The following SUMF1 variants were observed in gnomAD, a reference collection of about 807,000 sequenced individuals.
SUMF1 encodes sulfatase modifying factor 1.
Under a neutral mutation model 47.6 loss-of-function variants are expected in SUMF1, and 48 were observed. That is an observed-to-expected ratio of 1.01 (90% CI 0.80 to 1.28). SUMF1 has a LOEUF of 1.28. SUMF1 is among the 50% of genes most tolerant of loss of function. SUMF1 has a pLI of 0.00. For synonymous variants in SUMF1, 230 were observed against 192.1 expected (o/e 1.20, Z -1.63); for missense variants, 571 against 485.4 (o/e 1.18, Z -1.66).
chr3:4,218,936 C>T (rs913499067), intron 8 of SUMF1, among the ~76,000 whole-genome samples: 3 of 152,122 alleles, frequency 2.0e-5, no homozygotes, highest in African/African-American at 7.2e-5. Context: ...AATTCGTGCT[C>T]ACAGAGGAAG....
At chr3:4,127,425 T>A (rs1693680024) in intron 8 of SUMF1, among the ~76,000 whole-genome samples, 1 of 152,126 alleles carries the variant, frequency 6.6e-6, no homozygotes, top group Non-Finnish European at 1.5e-5. Flanking sequence ...GACCCACCCT[T>A]AATTTGGGCA....
intron 8 of SUMF1, among the ~76,000 whole-genome samples, chr3:4,332,059 C>T (rs965242837): frequency 6.6e-6 from 1 of 152,122 alleles, no homozygotes; most frequent in Non-Finnish European, 1.5e-5. Flanking sequence ...ATGTGAACTA[C>T]AAGGCATTTG....
In SUMF1 at chr3:4,068,114, C is replaced by G. The variant is rs186733172; in HGVS notation, c.1191+455G>C. 4.7e-4 allele frequency among the ~76,000 whole-genome samples: 72 copies of G among 152,270 alleles called. 3 individuals are homozygous for G. In the East Asian group the frequency reaches 0.01, roughly 21 times the overall value. On this transcript the variant is annotated intron_variant and NMD_transcript_variant, in intron 9 of 12. Coordinates refer to the SUMF1 transcript ENST00000448413. ...GCTTCCTGCCAGGCAGAATTAGGTT[C>G]ATCTGAGATGCAAACCAATTACCAG...
chr3:4,059,055 AC>A lies in SUMF1; in HGVS notation c.1191+9513del, dbSNP rs927390319. On this transcript the variant is annotated intron_variant and NMD_transcript_variant, in intron 9 of 12. Coordinates refer to the SUMF1 transcript ENST00000448413. Reference sequence around the variant, plus strand: ...CAGAGAAAAGAGGGCATTTGGGACAACATACTGGAAAAGGTGATCACTCTAA... The same window carrying A: ...CAGAGAAAAGAGGGCATTTGGGACAAATACTGGAAAAGGTGATCACTCTAA... 1.4e-4 allele frequency among the ~76,000 whole-genome samples: 21 copies of A among 152,154 alleles called. 1 individual carries two copies. The highest frequency in any genetic ancestry group is 5.1e-4 in the African/African-American group (21 of 41,448).
At chr3:4,042,275 T>A in intron 9 of SUMF1, among the ~76,000 whole-genome samples, 1 of 152,208 alleles carries the variant, frequency 6.6e-6, no homozygotes, top group Middle Eastern at 3.2e-3. Flanking sequence ...CACCTGATCT[T>A]TATAACGTGA....
chr3:4,251,163 A>T (rs1489027237), intron 8 of SUMF1, among the ~76,000 whole-genome samples: 2 of 152,196 alleles, frequency 1.3e-5, no homozygotes, highest in Non-Finnish European at 2.9e-5. Flanking sequence ...CACTAATAGG[A>T]GTTTGGAAAA....
Position 4,224,667 on chromosome 3 carries a change from T to C in SUMF1, c.1014+151663A>G, listed in dbSNP as rs562725775. Among the ~76,000 whole-genome samples, 27 of 152,056 alleles carry C rather than the reference T, an allele frequency of 1.8e-4. 1 individual carries two copies. The highest frequency in any genetic ancestry group is 6.3e-4 in the African/African-American group (26 of 41,494). On this transcript the variant is annotated intron_variant and NMD_transcript_variant, in intron 8 of 12. Coordinates refer to the SUMF1 transcript ENST00000448413. Reference sequence around the variant, plus strand: ...CACTCCTCTAGGCATAGGATGAGTCTAGTGGTGGACCCAAGACCACATGGG... The same window carrying C: ...CACTCCTCTAGGCATAGGATGAGTCCAGTGGTGGACCCAAGACCACATGGG...
intron 8 of SUMF1, among the ~76,000 whole-genome samples, chr3:4,282,509 G>A (rs1234844253): frequency 4.6e-5 from 7 of 152,168 alleles, no homozygotes; most frequent in African/African-American, 1.7e-4. Context: ...GAGCAAAGAA[G>A]TAACTACTTG....
Position 4,386,859 on chromosome 3 carries a change from T to G in SUMF1, c.955-10470A>C, listed in dbSNP as rs116474180. Among the ~76,000 whole-genome samples the G allele has an allele frequency of 7.0e-3, 1,058 of 151,718 alleles. 16 individuals carry two copies. Among genetic ancestry groups the G allele is most frequent in the African/African-American group, 0.025 (1,032 of 41,528 alleles). ...TGCTTCTTCTGCACTGATATAATCATGTGGTTTTTTTTTTTCTTCTTTTGC... is the reference window on the plus strand; with the variant it reads ...TGCTTCTTCTGCACTGATATAATCAGGTGGTTTTTTTTTTTCTTCTTTTGC... On this transcript the variant is annotated intron_variant, in intron 7 of 8. Transcript: ENST00000272902.
chr3:4,168,425 TCTCCAG>T (rs1574945435), intron 8 of SUMF1, among the ~76,000 whole-genome samples: 2 of 152,170 alleles, frequency 1.3e-5, no homozygotes, highest in African/African-American at 4.8e-5. Context: ...AGATCTGCCA[TCTCCAG>T]CTCCAGCTCT....
In SUMF1 at chr3:4,362,178, CG is replaced by C. The variant is rs1304424751; in HGVS notation, c.1090del (p.Arg364AlafsTer66). On this transcript the variant is annotated frameshift_variant, in exon 9 of 9. Transcript: ENST00000272902. LOFTEE classifies it high-confidence loss of function. ...AGTGGGCAGGCGGTCGGCTGCACAG[CG>C]GAATCCCAGATTCGAAGCAGAGCTA... ...PDSSASNLGF[R>X]CAADRLPTMD The C allele has an allele frequency of 6.2e-7, 1 of 1,614,178 alleles. No individual in the cohort carries two copies.
chr3:4,204,542 G>C (rs549684644), intron 8 of SUMF1, among the ~76,000 whole-genome samples: 1 of 152,128 alleles, frequency 6.6e-6, no homozygotes, highest in South Asian at 2.1e-4. Flanking sequence ...GTAAGTTATT[G>C]TTATTATCTC....
chr3:4,378,821 A>G (rs1224694156), intron 7 of SUMF1, among the ~76,000 whole-genome samples: 1 of 152,220 alleles, frequency 6.6e-6, no homozygotes, highest in Non-Finnish European at 1.5e-5. Context: ...TCAAATTGTG[A>G]TTCAAGTCTC....
chr3:4,446,140 T>A (rs1226615660), intron 3 of SUMF1, among the ~76,000 whole-genome samples: 1 of 152,174 alleles, frequency 6.6e-6, no homozygotes, highest in Non-Finnish European at 1.5e-5. Context: ...TGAAAAAGAT[T>A]AGATTATCAC....
chr3:4,050,672 G>T (rs758203516), intron 9 of SUMF1, among the ~76,000 whole-genome samples: 4 of 150,356 alleles, frequency 2.7e-5, no homozygotes, highest in Non-Finnish European at 5.9e-5. Flanking sequence ...GAGCCTGGGA[G>T]GTGGAGGCTG....
intron 3 of SUMF1, among the ~76,000 whole-genome samples, chr3:4,443,644 T>C (rs565569912): frequency 9.2e-5 from 14 of 152,012 alleles, no homozygotes; most frequent in African/African-American, 3.4e-4. Flanking sequence ...ATGTGCCTGT[T>C]GTCCCCACTA....
At chr3:4,287,509 C>G (rs1697656909) in intron 8 of SUMF1, among the ~76,000 whole-genome samples, 1 of 152,060 alleles carries the variant, frequency 6.6e-6, no homozygotes, top group Admixed American at 6.5e-5. Context: ...GATGCTGTCA[C>G]TCTCATTTCT....
intron 6 of SUMF1, among the ~76,000 whole-genome samples, chr3:4,416,665 AAATG>A (rs1488476890): frequency 1.3e-5 from 2 of 152,262 alleles, no homozygotes; most frequent in Non-Finnish European, 2.9e-5. Context: ...CTCACCTGGA[AAATG>A]GGGATAATAG....
At chr3:4,186,957 C>T (rs1203038628) in intron 8 of SUMF1, among the ~76,000 whole-genome samples, 3 of 152,142 alleles carry the variant, frequency 2.0e-5, no homozygotes, top group African/African-American at 7.2e-5. Flanking sequence ...TTACGTAACA[C>T]GTACAAACCA....
Sources: gnomAD v4.1 joint callset for allele counts (sites outside exome capture counted in the v4.1 genomes callset) on GRCh38, gnomAD v4.1.1 for gene constraint, MANE v1.5 for transcripts, NCBI Gene and HGNC (gene_info 2026-07-23, HGNC 2026-07-21) for gene names.